Variants in NEDD4 observed in about 807,000 individuals in gnomAD.
NEDD4 encodes the protein E3 ubiquitin-protein ligase NEDD4.
A neutral mutation model predicts 144.9 loss-of-function variants in NEDD4; 99 were observed. That is an observed-to-expected ratio of 0.68 (90% CI 0.58 to 0.81). The LOEUF is 0.81. NEDD4 is among the 30% of genes least tolerant of loss of function. The pLI, the probability that NEDD4 is intolerant of heterozygous loss-of-function variation, is 0.00. For synonymous variants in NEDD4, 318 were observed against 350.6 expected, an observed-to-expected ratio of 0.91 and a Z score of 1.04; for missense variants, 985 against 1,065.9, an observed-to-expected ratio of 0.92 and a Z score of 1.06.
intron 22 of NEDD4, 72 bp from the exon 23 acceptor site, chr15:55,838,252 A>T: frequency 1.9e-6 from 2 of 1,070,014 alleles, no homozygotes; most frequent in Non-Finnish European, 2.7e-6. Flanking sequence ...TATTGTAGTT[A>T]TACGAGAAAC....
chr15:55,989,610 C>T (rs1421718880), intron 1 of NEDD4, among the ~76,000 whole-genome samples: 1 of 152,232 alleles, frequency 6.6e-6, no homozygotes, highest in African/African-American at 2.4e-5. Context: ...TATGTGCAAA[C>T]TGCACTCTCC....
chr15:55,836,072 T>G (rs2033179401), intron 24 of NEDD4, among the ~76,000 whole-genome samples: 1 of 152,100 alleles, frequency 6.6e-6, no homozygotes. Context: ...ATTGCCAGAC[T>G]TCACACACGC....
chr15:55,929,107 T>C (rs1328694290), intron 4 of NEDD4, among the ~76,000 whole-genome samples: 2 of 152,114 alleles, frequency 1.3e-5, no homozygotes, highest in Non-Finnish European at 2.9e-5. Context: ...GAAGTGATGA[T>C]GGAGGGCAGA....
rs186925913 is a variant in NEDD4, at chr15:55,895,232, G to A, written c.292-21224C>T. 3.4e-3 allele frequency among the ~76,000 whole-genome samples: 510 copies of A among 152,158 alleles called. 2 individuals are homozygous for A. Among genetic ancestry groups the A allele is most frequent in the Admixed American group, 4.9e-3 (75 of 15,276 alleles). On this transcript the variant is annotated intron_variant, in intron 5 of 28. Transcript: ENST00000435532. ...TATGATATTAATTTTTTTCTTTTTA[G>A]AAATGTCTGCCAAGCTACTAGGGAA...
At chr15:55,991,852 G>C (rs2037993720) in intron 1 of NEDD4, 1 of 152,216 alleles carries the variant, frequency 6.6e-6, no homozygotes, top group African/African-American at 2.4e-5. Flanking sequence ...ATTGAAAACA[G>C]AGAAATTACT....
intron 8 of NEDD4, among the ~76,000 whole-genome samples, chr15:55,864,410 G>A (rs1007475534): frequency 3.9e-5 from 6 of 151,954 alleles, no homozygotes; most frequent in South Asian, 2.1e-4. Flanking sequence ...GGCCAGGTGC[G>A]GTGGCTCAGG....
At chr15:55,932,527 A>G (rs2036802844) in intron 4 of NEDD4, among the ~76,000 whole-genome samples, 1 of 152,172 alleles carries the variant, frequency 6.6e-6, no homozygotes, top group African/African-American at 2.4e-5. Flanking sequence ...TTCAAGATGG[A>G]TTAAAGACTT....
intron 1 of NEDD4, among the ~76,000 whole-genome samples, chr15:55,980,034 C>G (rs1436062142): frequency 1.3e-5 from 2 of 152,106 alleles, no homozygotes; most frequent in Admixed American, 6.5e-5. Context: ...CCTCAGCCTC[C>G]TAGGCTCAAG....
chr15:55,929,257 C>T (rs2036735217), intron 4 of NEDD4, among the ~76,000 whole-genome samples: 2 of 152,174 alleles, frequency 1.3e-5, no homozygotes, highest in African/African-American at 4.8e-5. Flanking sequence ...CACACACCCT[C>T]TTATTAGAGA....
At position 55,978,572 on chromosome 15, in the gene NEDD4, T is replaced by C. The variant is rs1415275631; in HGVS notation, c.46-12026A>G. Among the ~76,000 whole-genome samples, 3 of 152,194 alleles carry C rather than the reference T, an allele frequency of 2.0e-5. No individual in the cohort carries two copies. The East Asian group carries it at 5.8e-4, about 29-fold the overall frequency. On this transcript the variant is annotated intron_variant, in intron 1 of 28. Transcript: ENST00000435532. ...TGAGCACTATTAACAGAAATCTGGA[T>C]AGTGCTTAAATAAATAAAAAAGTAA...
chr15:55,932,892 C>A (rs1262344200), intron 4 of NEDD4, among the ~76,000 whole-genome samples: 1 of 152,150 alleles, frequency 6.6e-6, no homozygotes, highest in Non-Finnish European at 1.5e-5. Context: ...CAAAAGAAGA[C>A]ATATGCAGCC....
chr15:55,935,518 GTCT>G (rs1420522314), intron 4 of NEDD4, among the ~76,000 whole-genome samples: 1 of 151,994 alleles, frequency 6.6e-6, no homozygotes, highest in Admixed American at 6.6e-5. Flanking sequence ...AAGATCCAAA[GTCT>G]TCTGGAAAAA....
intron 2 of NEDD4, 102 bp from the exon 3 acceptor site, chr15:55,951,691 T>A: frequency 1.2e-6 from 1 of 812,102 alleles, no homozygotes; most frequent in Non-Finnish European, 1.8e-6. Flanking sequence ...TTGTTAGTTA[T>A]ATCTACAATT....
At chr15:55,930,752 G>A (rs1172041202) in intron 4 of NEDD4, among the ~76,000 whole-genome samples, 2 of 152,160 alleles carry the variant, frequency 1.3e-5, no homozygotes, top group African/African-American at 4.8e-5. Flanking sequence ...TAAGTCTCAG[G>A]AGATCTGATG....
chr15:55,980,539 G>A (rs1436791254), intron 1 of NEDD4, among the ~76,000 whole-genome samples: 1 of 152,208 alleles, frequency 6.6e-6, no homozygotes, highest in Non-Finnish European at 1.5e-5. Flanking sequence ...CCCTCGTACA[G>A]AGGATGTAAG....
At chr15:55,972,840 T>C (rs1334370399) in intron 1 of NEDD4, among the ~76,000 whole-genome samples, 1 of 152,082 alleles carries the variant, frequency 6.6e-6, no homozygotes, top group African/African-American at 2.4e-5. Context: ...GGAATAGCTA[T>C]ATCAGATCAA....
At chr15:55,896,374 G>C (rs1361322372) in intron 5 of NEDD4, among the ~76,000 whole-genome samples, 2 of 152,018 alleles carry the variant, frequency 1.3e-5, no homozygotes, top group African/African-American at 2.4e-5. Context: ...TGTAGAGATG[G>C]GGTTTTGCCA....
intron 12 of NEDD4, among the ~76,000 whole-genome samples, chr15:55,854,931 C>T (rs1339632443): frequency 6.6e-6 from 1 of 152,176 alleles, no homozygotes; most frequent in Non-Finnish European, 1.5e-5. Context: ...AGAACTTCCA[C>T]ATATTCATTG....
At position 55,899,958 on chromosome 15, in the gene NEDD4, CTTTCTGGTTTTA is replaced by C. The variant is rs773188785; in HGVS notation, c.291+24676_291+24687del. Among the ~76,000 whole-genome samples, 6 of 152,070 alleles carry C rather than the reference CTTTCTGGTTTTA, an allele frequency of 3.9e-5. No homozygotes were observed. In the South Asian group the frequency reaches 1.2e-3, roughly 31 times the overall value. Reference sequence around the variant, plus strand: ...GGAAATTTTTTTTAGTAAAACAGTACTTTCTGGTTTTAAGATCTTAGTTTTAGTTCTTGCTGT... The same window carrying C: ...GGAAATTTTTTTTAGTAAAACAGTACAGATCTTAGTTTTAGTTCTTGCTGT... On this transcript the variant is annotated intron_variant, in intron 5 of 28. Transcript: ENST00000435532.
Sources: gnomAD v4.1 joint callset for allele counts (sites outside exome capture counted in the v4.1 genomes callset) on GRCh38, gnomAD v4.1.1 for gene constraint, MANE v1.5 for transcripts, NCBI Gene and HGNC (gene_info 2026-07-23, HGNC 2026-07-21) for gene names.